Variants in CCDC141 observed in about 807,000 individuals in gnomAD.
CCDC141 encodes coiled-coil domain containing 141, also known as coiled-coil domain-containing protein 141.
Under a neutral mutation model 181.0 loss-of-function variants are expected in CCDC141, and 168 were observed. The ratio of observed to expected loss-of-function variants is 0.93; its 90% CI spans 0.82 to 1.05. The LOEUF (loss-of-function observed/expected upper bound fraction) is 1.05. Ranked by LOEUF, CCDC141 falls within the 50% of genes least tolerant of loss-of-function variation. The pLI, the probability that CCDC141 is intolerant of heterozygous loss-of-function variation, is 0.00. For missense variants in CCDC141, 1,902 were observed against 1,788.5 expected (o/e 1.06, Z -1.14); for synonymous variants, 666 against 642.3 (o/e 1.04, Z -0.56).
chr2:179,014,759 A>G (rs867834468), intron 2 of CCDC141, among the ~76,000 whole-genome samples: 1 of 151,906 alleles, frequency 6.6e-6, no homozygotes, highest in Non-Finnish European at 1.5e-5. Context: ...TTATCAAAAA[A>G]ATCAAAAAAC....
At chr2:178,950,510 T>TA (rs900359066) in intron 5 of CCDC141, among the ~76,000 whole-genome samples, 31 of 152,356 alleles carry the variant, frequency 2.0e-4, no homozygotes, top group African/African-American at 7.5e-4. Flanking sequence ...CTGATGTTTG[T>TA]ACCTGCAGAC....
intron 17 of CCDC141, among the ~76,000 whole-genome samples, chr2:178,863,220 A>G (rs1161846893): frequency 6.6e-6 from 1 of 152,178 alleles, no homozygotes; most frequent in African/African-American, 2.4e-5. Context: ...TGAAAGTCAT[A>G]TGCTCCTCAG....
chr2:179,002,081 G>A lies in CCDC141; in HGVS notation c.226-23406C>T, dbSNP rs561970305. 32 of 184,222 alleles carry A rather than the reference G, an allele frequency of 1.7e-4. No individual in the cohort carries two copies. In the South Asian group the frequency reaches 3.3e-3, roughly 19 times the overall value. 11.4% of individuals were successfully genotyped at this position (184,222 alleles called of 1,614,324 possible). A position where few individuals can be genotyped will look rare whatever the true frequency, so the allele number is the denominator to read the frequency against. ...TGATCCACCCTCCCAGCTTCCCAAA[G>A]TGTTGGGATTACAAGCATAAGCCAC... On this transcript the variant is annotated intron_variant, in intron 2 of 23. Transcript: ENST00000443758.
chr2:178,969,094 G>T (rs1299533967), intron 4 of CCDC141, among the ~76,000 whole-genome samples: 45 of 103,050 alleles, frequency 4.4e-4, no homozygotes, highest in Non-Finnish European at 6.4e-4. Context: ...GTAATTAATA[G>T]CTTACCAACC....
chr2:178,934,322 G>T (rs1379510487), intron 6 of CCDC141, among the ~76,000 whole-genome samples: 1 of 152,122 alleles, frequency 6.6e-6, no homozygotes, highest in African/African-American at 2.4e-5. Context: ...TAATTAGCAA[G>T]TATTTGTTTG....
rs1326360770 is a variant in CCDC141, at chr2:178,834,445, A to G, written c.4326-5T>C. 1.3e-6 allele frequency: 2 copies of G among 1,534,630 alleles called. No individual in the cohort carries two copies. The highest frequency in any genetic ancestry group is 1.2e-5 in the South Asian group (1 of 84,028). On this transcript the variant is annotated splice_region_variant and splice_polypyrimidine_tract_variant and intron_variant, in intron 23 of 23. Transcript: ENST00000443758. ...AATTTCTGGCCCTTCTTGTACCTGA[A>G]GCAGAGAGGCAGTTTTTAAAGTCAG...
intron 5 of CCDC141, among the ~76,000 whole-genome samples, chr2:178,952,348 C>A (rs1320871244): frequency 6.6e-6 from 1 of 152,302 alleles, no homozygotes; most frequent in East Asian, 1.9e-4. Context: ...ATATGCCAAG[C>A]TGTGCTCAAA....
At chr2:179,036,186 T>C (rs757627625) in intron 2 of CCDC141, among the ~76,000 whole-genome samples, 18 of 152,198 alleles carry the variant, frequency 1.2e-4, no homozygotes, top group Non-Finnish European at 1.8e-4. Context: ...ATTTTCTTAC[T>C]CTTCAGTCTC....
chr2:178,990,588 G>C (rs1172744695), intron 2 of CCDC141, among the ~76,000 whole-genome samples: 1 of 122,348 alleles, frequency 8.2e-6, no homozygotes, highest in East Asian at 2.9e-4. Context: ...GGGGAGTGGA[G>C]GGGAGGGGAG....
At chr2:179,027,022 C>A (rs187930165) in intron 2 of CCDC141, among the ~76,000 whole-genome samples, 284 of 152,262 alleles carry the variant, frequency 1.9e-3, no homozygotes, top group Non-Finnish European at 3.2e-3. Context: ...ATTTTACAGG[C>A]CATAGGTGTG....
At chr2:178,900,902 A>G (rs1687655737) in intron 8 of CCDC141, among the ~76,000 whole-genome samples, 1 of 152,176 alleles carries the variant, frequency 6.6e-6, no homozygotes, top group African/African-American at 2.4e-5. Flanking sequence ...CAGGGCAGTG[A>G]TCTGTTAGAG....
chr2:178,880,012 A>G (rs544277728), intron 11 of CCDC141, among the ~76,000 whole-genome samples: 1 of 152,324 alleles, frequency 6.6e-6, no homozygotes, highest in South Asian at 2.1e-4. Context: ...ACTGAGATAC[A>G]TTCTCATTAG....
At position 178,993,042 on chromosome 2, in the gene CCDC141, G is replaced by A. The variant is rs186424478; in HGVS notation, c.226-14367C>T. ...TTTCCTTTATAAATTAGCCAGTTTCGGGTATGTCTTTATTAGGAGCATGAG... is the reference window on the plus strand; with the variant it reads ...TTTCCTTTATAAATTAGCCAGTTTCAGGTATGTCTTTATTAGGAGCATGAG... On this transcript the variant is annotated intron_variant, in intron 2 of 23. Transcript: ENST00000443758. 6.1e-4 allele frequency among the ~76,000 whole-genome samples: 93 copies of A among 152,174 alleles called. No homozygotes were observed. In the East Asian group the frequency reaches 0.013, roughly 21 times the overall value.
intron 8 of CCDC141, among the ~76,000 whole-genome samples, chr2:178,899,342 A>G (rs1170218791): frequency 6.6e-6 from 1 of 152,128 alleles, no homozygotes; most frequent in Non-Finnish European, 1.5e-5. Flanking sequence ...ATTTCTCAGA[A>G]TGTATCCTCA....
intron 8 of CCDC141, among the ~76,000 whole-genome samples, chr2:178,891,262 T>C (rs907311474): frequency 1.3e-4 from 20 of 152,156 alleles, no homozygotes; most frequent in Non-Finnish European, 2.6e-4. Flanking sequence ...TCTTAAAAAG[T>C]AGTCTGTTTT....
chr2:178,949,497 CT>C (rs1689863170), intron 5 of CCDC141, among the ~76,000 whole-genome samples: 2 of 152,086 alleles, frequency 1.3e-5, no homozygotes, highest in African/African-American at 4.8e-5. Flanking sequence ...AATATTTTTC[CT>C]GCTCATTATA....
At chr2:178,942,708 C>A (rs1217178832) in intron 6 of CCDC141, among the ~76,000 whole-genome samples, 1 of 152,032 alleles carries the variant, frequency 6.6e-6, no homozygotes, top group Non-Finnish European at 1.5e-5. Flanking sequence ...GTTACAAATG[C>A]GCCACTCTGA....
At chr2:179,041,427 A>G (rs2043299062) in intron 2 of CCDC141, among the ~76,000 whole-genome samples, 2 of 117,160 alleles carry the variant, frequency 1.7e-5, no homozygotes, top group Non-Finnish European at 1.8e-5. Flanking sequence ...GGCTGCATGT[A>G]TGTCTTCTTT....
At chr2:178,817,674 C>A in the CCDC141 span, 1 of 398,918 alleles carries the variant, frequency 2.5e-6, no homozygotes, top group South Asian at 1.9e-5. Flanking sequence ...TAGAATTTTG[C>A]TTCATACTAA....
Sources: gnomAD v4.1 joint callset for allele counts (sites outside exome capture counted in the v4.1 genomes callset) on GRCh38, gnomAD v4.1.1 for gene constraint, MANE v1.5 for transcripts, NCBI Gene and HGNC (gene_info 2026-07-23, HGNC 2026-07-21) for gene names.